The following DPP6 variants were observed in gnomAD, a reference collection of about 807,000 sequenced individuals.
DPP6 encodes the protein A-type potassium channel modulatory protein DPP6.
In DPP6, 69 loss-of-function variants were observed where a neutral mutation model predicts 122.6. That is an observed-to-expected ratio of 0.56 (90% CI 0.46 to 0.69). DPP6 has a LOEUF of 0.69. Ranked by LOEUF, DPP6 falls within the 30% of genes least tolerant of loss-of-function variation. The pLI is 0.00. For synonymous variants in DPP6, 418 were observed against 433.1 expected (o/e 0.97, Z 0.43); for missense variants, 928 against 1,116.9 (o/e 0.83, Z 2.41).
chr7:154,313,494 G>A (rs41500245), intron 1 of DPP6, among the ~76,000 whole-genome samples: 27,675 of 151,402 alleles, frequency 0.18, 2,665 homozygotes, highest in African/African-American at 0.22. Flanking sequence ...GGTGTTTGTG[G>A]AATAGGTAAA....
At chr7:153,788,265 G>A in the DPP6 span, among the ~76,000 whole-genome samples, 1 of 152,168 alleles carries the variant, frequency 6.6e-6, no homozygotes, top group Non-Finnish European at 1.5e-5. Context: ...TTTGAATCTG[G>A]AGGCACAGAT....
chr7:154,859,257 G>T (rs370956347), intron 17 of DPP6, among the ~76,000 whole-genome samples: 1 of 152,256 alleles, frequency 6.6e-6, no homozygotes, highest in African/African-American at 2.4e-5. Flanking sequence ...AAGCAGCAGC[G>T]CTTCCAACCC....
chr7:154,815,175 G>A (rs1261451296), intron 16 of DPP6, among the ~76,000 whole-genome samples: 3 of 152,204 alleles, frequency 2.0e-5, no homozygotes, highest in Non-Finnish European at 4.4e-5. Context: ...GTTCTTAATG[G>A]TTTCACTGCA....
intron 3 of DPP6, among the ~76,000 whole-genome samples, chr7:154,490,006 T>C (rs2151385569): frequency 6.6e-6 from 1 of 152,196 alleles, no homozygotes; most frequent in East Asian, 1.9e-4. Context: ...AAAGATGGAA[T>C]AAACCTCGGA....
At chr7:154,644,960 C>T (rs879825755) in intron 6 of DPP6, among the ~76,000 whole-genome samples, 1 of 152,028 alleles carries the variant, frequency 6.6e-6, no homozygotes, top group Non-Finnish European at 1.5e-5. Context: ...ATCCACCCGC[C>T]TTGGCCTCCC....
chr7:154,740,117 C>T (rs1039983670), intron 8 of DPP6, among the ~76,000 whole-genome samples: 2 of 152,146 alleles, frequency 1.3e-5, no homozygotes, highest in African/African-American at 2.4e-5. Flanking sequence ...AATTAATGAC[C>T]TACTCCTGAG....
intron 1 of DPP6, among the ~76,000 whole-genome samples, chr7:154,422,207 A>G (rs1161256856): frequency 6.6e-6 from 1 of 152,110 alleles, no homozygotes; most frequent in Non-Finnish European, 1.5e-5. Flanking sequence ...TATTGGCCAA[A>G]CCTAACTAAA....
intron 2 of DPP6, among the ~76,000 whole-genome samples, chr7:154,463,374 A>AT (rs535181587): frequency 2.2e-3 from 338 of 151,458 alleles, no homozygotes; most frequent in African/African-American, 7.7e-3. Flanking sequence ...CGCCCGGCTA[A>AT]TTTTTTGTGT....
At chr7:154,444,319 G>T (rs1290659386) in intron 1 of DPP6, among the ~76,000 whole-genome samples, 1 of 151,434 alleles carries the variant, frequency 6.6e-6, no homozygotes, top group East Asian at 1.9e-4. Context: ...AAAAAAATTA[G>T]CCAGGTGTGA....
intron 1 of DPP6, among the ~76,000 whole-genome samples, chr7:154,385,168 A>G (rs958038491): frequency 1.2e-4 from 18 of 152,074 alleles, no homozygotes; most frequent in Non-Finnish European, 2.1e-4. Flanking sequence ...ACAGGGTTTC[A>G]CCGTGTTAGC....
chr7:154,276,383 C>T (rs1045879325), intron 1 of DPP6, among the ~76,000 whole-genome samples: 5 of 152,106 alleles, frequency 3.3e-5, no homozygotes, highest in South Asian at 2.1e-4. Context: ...GTGTGACATA[C>T]GTGAAGTTGA....
At chr7:154,205,311 C>A (rs1799383851) in intron 1 of DPP6, among the ~76,000 whole-genome samples, 1 of 152,158 alleles carries the variant, frequency 6.6e-6, no homozygotes, top group Non-Finnish European at 1.5e-5. Context: ...CCTCACAGGA[C>A]CCCTCCTGTT....
intron 1 of DPP6, among the ~76,000 whole-genome samples, chr7:153,943,658 C>T (rs976945514): frequency 3.9e-5 from 6 of 152,186 alleles, no homozygotes; most frequent in African/African-American, 1.4e-4. Flanking sequence ...ACACACTCAG[C>T]TCCATTCAGC....
chr7:154,167,561 C>A, intron 1 of DPP6, among the ~76,000 whole-genome samples: 1 of 152,340 alleles, frequency 6.6e-6, no homozygotes, highest in Non-Finnish European at 1.5e-5. Context: ...TCTTTGCGTA[C>A]GCATTTTACA....
intron 6 of DPP6, among the ~76,000 whole-genome samples, chr7:154,652,929 G>A (rs1431406092): frequency 1.3e-5 from 2 of 152,188 alleles, no homozygotes; most frequent in Non-Finnish European, 2.9e-5. Context: ...AGTGGGAAGA[G>A]AGGAGGGAGC....
chr7:154,781,327 A>T (rs1797015484), intron 10 of DPP6, among the ~76,000 whole-genome samples: 1 of 152,166 alleles, frequency 6.6e-6, no homozygotes, highest in Admixed American at 6.5e-5. Flanking sequence ...ACAGCATTAA[A>T]TTGTTGAAAA....
intron 5 of DPP6, among the ~76,000 whole-genome samples, chr7:154,623,983 G>A (rs908683380): frequency 6.6e-6 from 1 of 152,134 alleles, no homozygotes; most frequent in Non-Finnish European, 1.5e-5. Context: ...CACTTGAGGT[G>A]AGGAATTCGA....
At chr7:154,704,548 C>A (rs1840716948) in intron 7 of DPP6, among the ~76,000 whole-genome samples, 1 of 152,138 alleles carries the variant, frequency 6.6e-6, no homozygotes, top group Admixed American at 6.6e-5. Context: ...TCATTATTGT[C>A]TTATTTTAAG....
chr7:154,305,527 G>T (rs371669006), intron 1 of DPP6: 1 of 1,604,492 alleles, frequency 6.2e-7, no homozygotes, highest in Non-Finnish European at 8.5e-7. Context: ...GCGCTTCGGG[G>T]AAATCCGTGC....
Sources: gnomAD v4.1 joint callset for allele counts (sites outside exome capture counted in the v4.1 genomes callset) on GRCh38, gnomAD v4.1.1 for gene constraint, MANE v1.5 for transcripts, NCBI Gene and HGNC (gene_info 2026-07-23, HGNC 2026-07-21) for gene names.